The following TOX2 variants were observed in gnomAD, a reference collection of about 807,000 sequenced individuals.
TOX2 encodes TOX high mobility group box family member 2.
TOX2 carries 15 observed loss-of-function variants against 47.4 expected under a neutral mutation model. That is an observed-to-expected ratio of 0.32 (90% CI 0.21 to 0.49). The LOEUF (loss-of-function observed/expected upper bound fraction) is 0.49. Among genes scored for constraint, TOX2 ranks in the 20% least tolerant of loss-of-function variants. The probability of loss-of-function intolerance (pLI) is 0.99; values close to 1 mark genes in which losing one functional copy is unlikely to be tolerated. For synonymous variants in TOX2, 290 were observed against 296.6 expected (o/e 0.98, Z 0.23); for missense variants, 622 against 673.1 (o/e 0.92, Z 0.84).
At chr20:43,944,090 C>T (rs929632664) in intron 1 of TOX2, among the ~76,000 whole-genome samples, 9 of 152,280 alleles carry the variant, frequency 5.9e-5, no homozygotes, top group Non-Finnish European at 1.2e-4. Context: ...ATCTTTGTAT[C>T]GCGGTGCAAA....
At chr20:44,063,151 T>C (rs2071750050) in intron 5 of TOX2, among the ~76,000 whole-genome samples, 1 of 152,128 alleles carries the variant, frequency 6.6e-6, no homozygotes, top group South Asian at 2.1e-4. Context: ...TGGGACTTAA[T>C]TAAACTAAAA....
At chr20:43,940,347 C>T (rs989551122) in intron 1 of TOX2, among the ~76,000 whole-genome samples, 5 of 151,646 alleles carry the variant, frequency 3.3e-5, no homozygotes, top group Non-Finnish European at 5.9e-5. Context: ...TCCTGAGTAG[C>T]TGGGATTACA....
chr20:43,960,691 C>T (rs150354757), intron 1 of TOX2, among the ~76,000 whole-genome samples: 6 of 152,356 alleles, frequency 3.9e-5, no homozygotes, highest in African/African-American at 1.2e-4. Flanking sequence ...TTTTAAAGCA[C>T]ATGCTGATTT....
chr20:44,055,761 T>A lies in TOX2; in HGVS notation c.879+1235T>A, dbSNP rs141433611. Among the ~76,000 whole-genome samples, 323 of 152,254 alleles carry A rather than the reference T, an allele frequency of 2.1e-3. 4 individuals are homozygous for A. Among genetic ancestry groups the A allele is most frequent in the African/African-American group, 7.5e-3 (312 of 41,548 alleles). ...GGTTTAGGGTAGGGGACACAGAGCATGTCCTGGGAGCCTCCTTGCATCTGG... is the reference window on the plus strand; with the variant it reads ...GGTTTAGGGTAGGGGACACAGAGCAAGTCCTGGGAGCCTCCTTGCATCTGG... On this transcript the variant is annotated intron_variant, in intron 5 of 8. Transcript: ENST00000341197.
At chr20:44,054,583 G>A in intron 5 of TOX2, 57 bp downstream of exon 5, 1 of 1,552,842 alleles carries the variant, frequency 6.4e-7, no homozygotes, top group East Asian at 2.4e-5. Context: ...CTGGAACCAA[G>A]GACACACTTT....
chr20:43,998,727 CTATCTATCT>C lies in TOX2; in HGVS notation c.166-7819_166-7811del, dbSNP rs1569079337. Among the ~76,000 whole-genome samples, 123 of 138,620 alleles carry C rather than the reference CTATCTATCT, an allele frequency of 8.9e-4. 2 individuals are homozygous for C. The South Asian group carries it at 0.012, about 14-fold the overall frequency. The allele number at this position is 138,620 out of a possible 152,430, so 90.9% of individuals were successfully genotyped here. A position where few individuals can be genotyped will look rare whatever the true frequency, so the allele number is the denominator to read the frequency against. On this transcript the variant is annotated intron_variant, in intron 2 of 8. Transcript: ENST00000341197. Reference sequence around the variant, plus strand: ...CTTTTTGTTGGCCTGATACATCTATCTATCTATCTATCTATCTATCTATCTATCTATCTA... The same window carrying C: ...CTTTTTGTTGGCCTGATACATCTATCATCTATCTATCTATCTATCTATCTA...
chr20:43,918,431 C>T (rs536722285), intron 1 of TOX2, among the ~76,000 whole-genome samples: 5 of 152,270 alleles, frequency 3.3e-5, no homozygotes, highest in Admixed American at 1.3e-4. Flanking sequence ...AGAACATTTC[C>T]GTCATCCCAG....
intron 5 of TOX2, among the ~76,000 whole-genome samples, chr20:44,062,132 A>G (rs1480812351): frequency 6.6e-6 from 1 of 152,028 alleles, no homozygotes; most frequent in Non-Finnish European, 1.5e-5. Context: ...AGACAAGAGA[A>G]AGAAATAAAG....
chr20:44,029,150 G>A (rs563012650), intron 3 of TOX2, among the ~76,000 whole-genome samples: 17 of 152,300 alleles, frequency 1.1e-4, no homozygotes, highest in Non-Finnish European at 1.6e-4. Context: ...AGCAAGCCTC[G>A]CCCTCCAGCT....
intron 5 of TOX2, among the ~76,000 whole-genome samples, chr20:44,064,352 T>A (rs550988855): frequency 6.6e-6 from 1 of 152,328 alleles, no homozygotes; most frequent in African/African-American, 2.4e-5. Context: ...AGGTCTAAAA[T>A]TTTTAATAAA....
At chr20:44,032,198 C>A (rs969178190) in intron 3 of TOX2, among the ~76,000 whole-genome samples, 1 of 151,956 alleles carries the variant, frequency 6.6e-6, no homozygotes, top group Non-Finnish European at 1.5e-5. Context: ...GGTGAGTATC[C>A]CCTGCTGGGT....
intron 1 of TOX2, among the ~76,000 whole-genome samples, chr20:43,950,895 C>G (rs756978187): frequency 1.7e-4 from 26 of 152,058 alleles, no homozygotes; most frequent in Non-Finnish European, 3.1e-4. Context: ...AGTAGATGCA[C>G]AGCAAATACT....
intron 3 of TOX2, among the ~76,000 whole-genome samples, chr20:44,043,749 C>T (rs903550053): frequency 3.9e-5 from 6 of 152,162 alleles, no homozygotes; most frequent in East Asian, 1.9e-4. Flanking sequence ...CATCATAACT[C>T]TCATACAAAT....
At chr20:43,921,137 A>G (rs2145830696) in intron 1 of TOX2, among the ~76,000 whole-genome samples, 1 of 152,278 alleles carries the variant, frequency 6.6e-6, no homozygotes, top group South Asian at 2.1e-4. Context: ...TTCCATTCCT[A>G]GAGGAGCTTC....
intron 2 of TOX2, among the ~76,000 whole-genome samples, chr20:43,992,061 G>T (rs915744597): frequency 3.9e-5 from 6 of 152,226 alleles, no homozygotes; most frequent in Non-Finnish European, 7.3e-5. Context: ...GGTGGCCAGG[G>T]AAGGCGCTGC....
intron 1 of TOX2, among the ~76,000 whole-genome samples, chr20:43,949,338 C>T (rs1348725913): frequency 1.3e-5 from 2 of 152,206 alleles, no homozygotes; most frequent in African/African-American, 4.8e-5. Context: ...AGCCTCCTCC[C>T]AGGCCTCCCT....
chr20:44,017,978 C>T (rs774292478), intron 3 of TOX2, among the ~76,000 whole-genome samples: 3 of 152,196 alleles, frequency 2.0e-5, no homozygotes, highest in African/African-American at 7.2e-5. Context: ...CTGAGTTGAG[C>T]TATTCATATT....
At chr20:44,024,216 T>G (rs1355781402) in intron 3 of TOX2, among the ~76,000 whole-genome samples, 2 of 152,228 alleles carry the variant, frequency 1.3e-5, no homozygotes, top group African/African-American at 4.8e-5. Context: ...TCTTCGTATC[T>G]ATAATTACAC....
chr20:43,983,532 C>G (rs774098775), intron 2 of TOX2, among the ~76,000 whole-genome samples: 15 of 152,186 alleles, frequency 9.9e-5, no homozygotes, highest in Non-Finnish European at 1.9e-4. Flanking sequence ...AAGTCACAGC[C>G]TCCTTCCAGC....
Sources: gnomAD v4.1 joint callset for allele counts (sites outside exome capture counted in the v4.1 genomes callset) on GRCh38, gnomAD v4.1.1 for gene constraint, MANE v1.5 for transcripts, NCBI Gene and HGNC (gene_info 2026-07-23, HGNC 2026-07-21) for gene names.